Variants in RPL3L observed in about 807,000 individuals in gnomAD.
RPL3L encodes ribosomal protein uL3-like.
RPL3L carries 44 observed loss-of-function variants against 44.5 expected under a neutral mutation model. The ratio of observed to expected loss-of-function variants is 0.99; its 90% CI spans 0.78 to 1.27. The LOEUF is 1.27. Ranked by LOEUF, RPL3L falls within the 50% of genes most tolerant of loss-of-function variation. The pLI, the probability that RPL3L is intolerant of heterozygous loss-of-function variation, is 0.00. For synonymous variants in RPL3L, 292 were observed against 230.7 expected (o/e 1.27, Z -2.41); for missense variants, 631 against 569.1 (o/e 1.11, Z -1.11).
At chr16:1,949,009 CTTTTT>C (rs34900670) in intron 4 of RPL3L, among the ~76,000 whole-genome samples, 1 of 124,662 alleles carries the variant, frequency 8.0e-6, no homozygotes, top group Non-Finnish European at 1.6e-5. Context: ...CCGCGCCTGG[CTTTTT>C]TTTTTTTTTT....
At chr16:1,946,537 G>A in intron 7 of RPL3L, 88 bp downstream of exon 7, 1 of 1,331,380 alleles carries the variant, frequency 7.5e-7, no homozygotes, top group Non-Finnish European at 1.1e-6. Flanking sequence ...CCCCCTACAT[G>A]TATACCAGGC....
rs2083105157 is a variant in RPL3L, at chr16:1,944,536, ACT to A, written c.*299_*300del. The A allele has an allele frequency of 7.5e-6, 2 of 266,762 alleles. No individual in the cohort carries two copies. The highest frequency in any genetic ancestry group is 1.4e-5 in the Non-Finnish European group (2 of 144,094). 16.5% of individuals were successfully genotyped at this position (266,762 alleles called of 1,614,324 possible). A position where few individuals can be genotyped will look rare whatever the true frequency, so the allele number is the denominator to read the frequency against. On this transcript the variant is annotated 3_prime_UTR_variant, in exon 10 of 10. Transcript: ENST00000268661. ...CAGCAGCCTGGGCGACAAGATCAAG[ACT>A]CTCTCAAAAAAAAAAAAAAAAAAAA...
rs199542556 is a variant in RPL3L at position 1,950,816 on chromosome 16, G to A, written c.501+28C>T. The A allele has an allele frequency of 1.2e-5, 19 of 1,613,730 alleles. 1 individual carries two copies. Among genetic ancestry groups the A allele is most frequent in the Middle Eastern group, 1.6e-4 (1 of 6,080 alleles). ...GTGAGGGAGCGTGGTCCTAGGGACTGACCGACAGCGGAGGGCCGGGGGCTG... is the reference window on the plus strand; with the variant it reads ...GTGAGGGAGCGTGGTCCTAGGGACTAACCGACAGCGGAGGGCCGGGGGCTG... On this transcript the variant is annotated intron_variant, in intron 4 of 9. Coordinates refer to ENST00000268661, the MANE Select transcript of RPL3L (RefSeq NM_005061.3).
intron 1 of RPL3L, 51 bp from the exon 2 acceptor site, chr16:1,954,199 A>C (rs2083191457): frequency 6.8e-7 from 1 of 1,477,578 alleles, no homozygotes; most frequent in South Asian, 1.4e-5. Context: ...CTGGTGGTAG[A>C]GCTGGATGGT....
At chr16:1,946,884 C>A in intron 6 of RPL3L, 54 bp downstream of exon 6, 2 of 1,568,886 alleles carry the variant, frequency 1.3e-6, no homozygotes, top group Non-Finnish European at 8.6e-7. Context: ...GAGGCCAGTA[C>A]TGAGGGCTGG....
At chr16:1,951,730 A>G (rs1026560862) in intron 3 of RPL3L, among the ~76,000 whole-genome samples, 3 of 55,998 alleles carry the variant, frequency 5.4e-5, no homozygotes, top group African/African-American at 2.4e-4. Flanking sequence ...GGTGGACATT[A>G]TTATTATTAT....
chr16:1,945,653 G>A (rs747553143), intron 8 of RPL3L, 35 bp from the exon 9 acceptor site: 19 of 1,612,876 alleles, frequency 1.2e-5, no homozygotes, highest in African/African-American at 2.7e-5. Context: ...CATCAAGTGT[G>A]GGGATCCCCC....
At position 1,950,977 on chromosome 16, in the gene RPL3L, T is replaced by G; in HGVS notation, c.368A>C (p.His123Pro). Residue 123 changes from histidine to proline, a missense_variant and splice_region_variant, in exon 4 of 10, where the codon CAC (histidine) becomes CCC (proline). Physicochemically the swap from His to Pro is moderately conservative, Grantham distance 77. Coordinates refer to ENST00000268661, the MANE Select transcript of RPL3L (RefSeq NM_005061.3). ...ECRRRFYKDWHKSKKKAFTKA... is the reference protein window; with the variant it reads ...ECRRRFYKDWPKSKKKAFTKA... ...GGTGAAGGCTTTCTTCTTGCTCTTG[T>G]GCCTGAGCCATGCACAGGAGGGTGC... 6.2e-7 allele frequency: 1 copy of G among 1,613,738 alleles called. No individual in the cohort carries two copies. The highest frequency in any genetic ancestry group is 8.5e-7 in the Non-Finnish European group (1 of 1,179,908).
At position 1,945,368 on chromosome 16, in the gene RPL3L, A is replaced by AT; in HGVS notation, c.1167+130_1167+131insA. 6 of 864,698 alleles carry AT rather than the reference A, an allele frequency of 6.9e-6. No homozygotes were observed. The African/African-American group carries it at 9.6e-5, about 14-fold the overall frequency. The allele number at this position is 864,698 out of a possible 1,614,324, so 53.6% of individuals were successfully genotyped here. ...AGACTCCATCTCAAAAAATAAAATAAATAAAAAAAAAAGAGTCTCTCCTGC... is the reference window on the plus strand; with the variant it reads ...AGACTCCATCTCAAAAAATAAAATAATATAAAAAAAAAAGAGTCTCTCCTGC... On this transcript the variant is annotated intron_variant, in intron 9 of 9. Transcript: ENST00000268661.
At chr16:1,951,726 C>CATCATT (rs758754094) in intron 3 of RPL3L, among the ~76,000 whole-genome samples, 120 of 138,036 alleles carry the variant, frequency 8.7e-4, no homozygotes, top group Admixed American at 3.9e-3. Context: ...GGGAGGTGGA[C>CATCATT]ATTATTATTA....
In RPL3L at chr16:1,945,928, AC is replaced by A; in HGVS notation, c.953del (p.Gly318ValfsTer9). 6.2e-7 allele frequency: 1 copy of A among 1,609,516 alleles called. No individual in the cohort carries two copies. The highest frequency in any genetic ancestry group is 8.5e-7 in the Non-Finnish European group (1 of 1,177,808). ...DVTAKSITPLGGFPHYGEVNN... is the reference protein window; with the variant it reads ...DVTAKSITPLXGFPHYGEVNN... ...TCACTTCCCCGTAGTGGGGGAAGCC[AC>A]CCTGCAGAGGACACAGGTCAGAGGC... On this transcript the variant is annotated frameshift_variant and splice_region_variant, in exon 8 of 10. Coordinates refer to ENST00000268661, the MANE Select transcript of RPL3L (RefSeq NM_005061.3). LOFTEE classifies it high-confidence loss of function.
Position 1,944,828 on chromosome 16 carries a change from C to T in RPL3L, c.*9G>A, listed in dbSNP as rs920381099. ...CGGTGCGCTTCAGGGTTCATCCACC[C>T]CACACAGCCTACAAGTCTCCCGAGG... is the stretch of plus-strand genomic sequence containing the variant. On this transcript the variant is annotated 3_prime_UTR_variant, in exon 10 of 10. Transcript: ENST00000268661. 19 of 1,613,948 alleles carry T rather than the reference C, an allele frequency of 1.2e-5. No homozygotes were observed. Among genetic ancestry groups the T allele is most frequent in the Non-Finnish European group, 1.6e-5 (19 of 1,180,008 alleles).
intron 9 of RPL3L, 69 bp from the exon 10 acceptor site, chr16:1,944,962 G>A (rs952558504): frequency 1.9e-6 from 3 of 1,601,872 alleles, no homozygotes; most frequent in Non-Finnish European, 2.6e-6. Flanking sequence ...CCCCAGCCAG[G>A]CTCTAGATCA....
chr16:1,947,368 G>A lies in RPL3L; in HGVS notation c.514C>T (p.Pro172Ser), dbSNP rs778992362. ...ATGTGGGCCTTCTTCTGCCGGAAGG[G>A]CAGCAGTTTCATCTGCAGGACATGG... ...VIVHTQMKLL[P>S]FRQKKAHIME... Residue 172 changes from proline (P) to serine (S), a missense_variant, in exon 5 of 10, where the codon CCC (proline) becomes TCC (serine). Physicochemically the swap from Pro to Ser is moderately conservative, Grantham distance 74. Coordinates refer to ENST00000268661, the MANE Select transcript of RPL3L (RefSeq NM_005061.3). 1.6e-5 allele frequency: 26 copies of A among 1,586,342 alleles called. No individual in the cohort carries two copies. The highest frequency in any genetic ancestry group is 3.5e-5 in the Admixed American group (2 of 57,114).
In RPL3L at chr16:1,946,661, G is replaced by A; in HGVS notation, c.915C>T (p.Thr305=). Residue 305 remains threonine, a synonymous_variant, in exon 7 of 10, where the codon ACC becomes ACT. Coordinates refer to ENST00000268661, the MANE Select transcript of RPL3L (RefSeq NM_005061.3). ...TGGACTTGGCAGTCACGTCGTAGCT[G>A]GTGGATGCATTGTTCTTCACCAGCT... ...DGKLVKNNAS[T]SYDVTAKSIT... The A allele has an allele frequency of 6.2e-7, 1 of 1,612,884 alleles. No homozygotes were observed. The highest frequency in any genetic ancestry group is 8.5e-7 in the Non-Finnish European group (1 of 1,179,966).
In RPL3L at chr16:1,947,938, ATTT is replaced by A. The variant is rs1158555053; in HGVS notation, c.502-561_502-559del. Among the ~76,000 whole-genome samples the A allele has an allele frequency of 5.9e-3, 654 of 109,948 alleles. 3 individuals are homozygous for A. Among genetic ancestry groups the A allele is most frequent in the Non-Finnish European group, 7.6e-3 (420 of 54,936 alleles). 72.1% of individuals were successfully genotyped at this position (109,948 alleles called of 152,430 possible). A position where few individuals can be genotyped will look rare whatever the true frequency, so the allele number is the denominator to read the frequency against. ...GCAGGCTGCGATGTGATCTGATTGGATTTTTTTTTTTTTTTTTTTTTTTGAGTC... is the reference window on the plus strand; with the variant it reads ...GCAGGCTGCGATGTGATCTGATTGGATTTTTTTTTTTTTTTTTTTTGAGTC... On this transcript the variant is annotated intron_variant, in intron 4 of 9. Transcript: ENST00000268661.
intron 4 of RPL3L, among the ~76,000 whole-genome samples, chr16:1,950,501 C>T (rs542105497): frequency 6.6e-6 from 1 of 152,126 alleles, no homozygotes; most frequent in East Asian, 1.9e-4. Flanking sequence ...AAGCCAGACC[C>T]ATGTACAAAC....
intron 3 of RPL3L, among the ~76,000 whole-genome samples, chr16:1,952,651 C>T (rs1306212861): frequency 6.6e-6 from 1 of 152,212 alleles, no homozygotes; most frequent in African/African-American, 2.4e-5. Context: ...GCTGGGATTA[C>T]AGGCGTGAGC....
rs779515036 is a variant in RPL3L, at chr16:1,948,314, C to G, written c.502-934G>C. 1.2e-3 allele frequency among the ~76,000 whole-genome samples: 175 copies of G among 152,030 alleles called. 1 individual carries two copies. The highest frequency in any genetic ancestry group is 1.5e-3 in the Admixed American group (23 of 15,254). ...TCTCGGCTCACTGCAACCTCTGCCT[C>G]CCTGAATCAAGTGATTCTCCTGCCT... On this transcript the variant is annotated intron_variant, in intron 4 of 9. Transcript: ENST00000268661.
Sources: allele counts gnomAD v4.1 joint callset (sites outside exome capture counted in the v4.1 genomes callset), GRCh38; gene constraint gnomAD v4.1.1; transcripts MANE v1.5; gene names NCBI Gene and HGNC (gene_info 2026-07-23, HGNC 2026-07-21).